The following KMT2E variants were observed in gnomAD, a reference collection of about 807,000 sequenced individuals.
KMT2E encodes the protein histone reader KMT2E.
Under a neutral mutation model 184.6 loss-of-function variants are expected in KMT2E, and 30 were observed. The observed-to-expected ratio is 0.16, with a 90% CI of 0.12 to 0.22. The LOEUF (loss-of-function observed/expected upper bound fraction) is 0.22, where lower values mean the gene tolerates loss of function less well. Among genes scored for constraint, KMT2E ranks in the 10% least tolerant of loss-of-function variants. KMT2E has a pLI of 1.00. For synonymous variants in KMT2E, 815 were observed against 776.5 expected, an observed-to-expected ratio of 1.05 and a Z score of -0.82; for missense variants, 2,023 against 2,237.4, an observed-to-expected ratio of 0.90 and a Z score of 1.93.
intron 1 of KMT2E, among the ~76,000 whole-genome samples, chr7:105,035,627 G>C (rs1460360022): frequency 1.3e-5 from 2 of 151,826 alleles, no homozygotes; most frequent in African/African-American, 4.8e-5. Flanking sequence ...GAGACAGAGA[G>C]TTTTGCTCTT....
chr7:105,043,513 G>A (rs1377894074), intron 3 of KMT2E, among the ~76,000 whole-genome samples: 1 of 152,110 alleles, frequency 6.6e-6, no homozygotes, highest in Non-Finnish European at 1.5e-5. Context: ...TGGGATTACA[G>A]GCGTGAGCCA....
intron 19 of KMT2E, 67 bp from the exon 20 acceptor site, chr7:105,106,455 G>A: frequency 1.4e-6 from 2 of 1,384,774 alleles, no homozygotes; most frequent in Non-Finnish European, 2.0e-6. Flanking sequence ...TTCCCAGAAT[G>A]TGACACAAAC....
At chr7:105,062,689 T>C (rs1414232805) in intron 4 of KMT2E, among the ~76,000 whole-genome samples, 2 of 151,894 alleles carry the variant, frequency 1.3e-5, no homozygotes, top group Admixed American at 6.6e-5. Context: ...GTCAGACATA[T>C]ATTATTTAAT....
intron 1 of KMT2E, among the ~76,000 whole-genome samples, chr7:105,029,970 A>T (rs191491273): frequency 3.9e-5 from 6 of 152,342 alleles, no homozygotes; most frequent in Admixed American, 2.0e-4. Flanking sequence ...GGTTTAATCA[A>T]TAATAATTTA....
chr7:105,044,089 C>A (rs1316036367), intron 3 of KMT2E, among the ~76,000 whole-genome samples: 1 of 152,114 alleles, frequency 6.6e-6, no homozygotes, highest in Non-Finnish European at 1.5e-5. Flanking sequence ...CAGAGCAAGA[C>A]CCTGTCTCAA....
intron 1 of KMT2E, among the ~76,000 whole-genome samples, chr7:105,031,271 C>T (rs753401740): frequency 2.7e-5 from 4 of 148,030 alleles, no homozygotes; most frequent in African/African-American, 5.0e-5. Context: ...GCAGGACAAT[C>T]GCTTGATCCT....
chr7:105,112,786 T>TC lies in KMT2E; in HGVS notation c.5030_5031insC (p.Leu1677PhefsTer192). The TC allele has an allele frequency of 6.2e-7, 1 of 1,605,428 alleles. No individual in the cohort carries two copies. The highest frequency in any genetic ancestry group is 8.5e-7 in the Non-Finnish European group (1 of 1,175,846). On this transcript the variant is annotated frameshift_variant, in exon 27 of 27. Coordinates refer to ENST00000311117, the MANE Select transcript of KMT2E (RefSeq NM_182931.3). LOFTEE classifies it high-confidence loss of function. ...CATTCTCAAACTGCTGGACACCACT[T>TC]ACCCCCACCCCCACCCCCTCCTGGT...
At chr7:105,033,610 G>A (rs1254470597) in intron 1 of KMT2E, among the ~76,000 whole-genome samples, 1 of 151,734 alleles carries the variant, frequency 6.6e-6, no homozygotes, top group East Asian at 1.9e-4. Flanking sequence ...GCCATTCTTC[G>A]GCCTCAGCCT....
rs1341939282 is a variant in KMT2E, at chr7:105,035,225, G to A, written c.-188-2901G>A. Among the ~76,000 whole-genome samples, 4 of 151,550 alleles carry A rather than the reference G, an allele frequency of 2.6e-5. No individual in the cohort carries two copies. The East Asian group carries it at 7.8e-4, about 29-fold the overall frequency. On this transcript the variant is annotated intron_variant, in intron 1 of 26. Coordinates refer to ENST00000311117, the MANE Select transcript of KMT2E (RefSeq NM_182931.3). Reference sequence around the variant, plus strand: ...TTTTTTGTATTTTTAGTAGAGACGGGGTTTCACCGTGTTAGCCAGGATGGT... The same window carrying A: ...TTTTTTGTATTTTTAGTAGAGACGGAGTTTCACCGTGTTAGCCAGGATGGT...
chr7:105,062,605 T>C (rs1796864855), intron 4 of KMT2E, among the ~76,000 whole-genome samples: 2 of 151,954 alleles, frequency 1.3e-5, no homozygotes, highest in Non-Finnish European at 2.9e-5. Flanking sequence ...AATTTTTTGA[T>C]TTTTAGTTTT....
intron 15 of KMT2E, among the ~76,000 whole-genome samples, chr7:105,094,898 C>T (rs1056435695): frequency 2.0e-5 from 3 of 152,186 alleles, no homozygotes; most frequent in Non-Finnish European, 2.9e-5. Flanking sequence ...CAGTTTCAGG[C>T]ATGCTTTGGT....
Position 105,060,991 on chromosome 7 carries a change from A to G in KMT2E, c.72-1173A>G, listed in dbSNP as rs141212186. 7.9e-5 allele frequency among the ~76,000 whole-genome samples: 12 copies of G among 152,268 alleles called. No individual in the cohort carries two copies. In the East Asian group the frequency reaches 1.2e-3, roughly 15 times the overall value. ...ATGTATTTCTCAGAATGTATCTCCAATGTTAAGCAAAGCATGACTATATTC... is the reference window on the plus strand; with the variant it reads ...ATGTATTTCTCAGAATGTATCTCCAGTGTTAAGCAAAGCATGACTATATTC... On this transcript the variant is annotated intron_variant, in intron 3 of 26. Coordinates refer to ENST00000311117, the MANE Select transcript of KMT2E (RefSeq NM_182931.3).
chr7:105,102,179 C>T lies in KMT2E; in HGVS notation c.2181C>T (p.Tyr727=). Residue 727 remains tyrosine (Y), a synonymous_variant, in exon 17 of 27, where the codon TAC becomes TAT. Transcript: ENST00000311117. ...VPALNKCPTK[Y]PKTKKHLVNE... is the part of the protein sequence containing the mutation. ...CACTTAATAAATGTCCTACCAAGTACCCCAAAACAAAGAAGGTATGATTCT... is the reference window on the plus strand; with the variant it reads ...CACTTAATAAATGTCCTACCAAGTATCCCAAAACAAAGAAGGTATGATTCT... 1.2e-6 allele frequency: 2 copies of T among 1,602,312 alleles called. No homozygotes were observed. Among genetic ancestry groups the T allele is most frequent in the South Asian group, 1.1e-5 (1 of 88,120 alleles).
chr7:105,043,570 G>T (rs1313481310), intron 3 of KMT2E, among the ~76,000 whole-genome samples: 1 of 152,170 alleles, frequency 6.6e-6, no homozygotes, highest in African/African-American at 2.4e-5. Flanking sequence ...AATATATGAT[G>T]TGGCTTAGGT....
At chr7:105,066,031 G>T (rs1000096257) in intron 5 of KMT2E, among the ~76,000 whole-genome samples, 2 of 151,952 alleles carry the variant, frequency 1.3e-5, no homozygotes, top group Non-Finnish European at 2.9e-5. Context: ...TTTCTCTGGC[G>T]TTAATTCTGG....
In KMT2E at chr7:105,113,121, C is replaced by T. The variant is rs1429919072; in HGVS notation, c.5365C>T (p.Pro1789Ser). 6.2e-7 allele frequency: 1 copy of T among 1,614,220 alleles called. No homozygotes were observed. Among genetic ancestry groups the T allele is most frequent in the Non-Finnish European group, 8.5e-7 (1 of 1,180,040 alleles). The change falls in exon 27 of 27, where the codon CCT becomes TCT. Residue 1789 changes from proline (P) to serine (S), a missense_variant. This residue lies in a region of KMT2E where 1,108 missense variants were observed against 1,050.9 expected (regional missense o/e 1.05). Coordinates refer to ENST00000311117, the MANE Select transcript of KMT2E (RefSeq NM_182931.3). ...PSGTGPHCPL[P>S]VTGPHLQPQG... ...TGGAACAGGGCCACATTGTCCATTACCTGTCACAGGTCCTCATCTCCAGCC... is the reference window on the plus strand; with the variant it reads ...TGGAACAGGGCCACATTGTCCATTATCTGTCACAGGTCCTCATCTCCAGCC...
chr7:105,085,714 C>T (rs745621640), intron 13 of KMT2E, among the ~76,000 whole-genome samples: 8 of 149,678 alleles, frequency 5.3e-5, no homozygotes, highest in African/African-American at 9.9e-5. Context: ...GACGGAGTCT[C>T]GCTCTGTCGC....
chr7:105,072,950 A>G (rs191844907), intron 6 of KMT2E, among the ~76,000 whole-genome samples: 1 of 152,306 alleles, frequency 6.6e-6, no homozygotes, highest in East Asian at 1.9e-4. Flanking sequence ...AAGTGAAAAT[A>G]ATTAAAGGCA....
At chr7:105,041,050 C>CAAAAA (rs58676744) in intron 3 of KMT2E, 27 bp downstream of exon 3, 45 of 671,536 alleles carry the variant, frequency 6.7e-5, no homozygotes, top group South Asian at 1.8e-4. Context: ...GTTACATAAG[C>CAAAAA]AAAAAAAAAA....
Sources: gnomAD v4.1 joint callset for allele counts (sites outside exome capture counted in the v4.1 genomes callset) on GRCh38, gnomAD v4.1.1 for gene constraint, gnomAD v4.1.1 regional missense constraint, MANE v1.5 for transcripts, NCBI Gene and HGNC (gene_info 2026-07-23, HGNC 2026-07-21) for gene names.